The following EFCAB6 variants were observed in gnomAD, a reference collection of about 807,000 sequenced individuals.
The protein encoded by EFCAB6 is EF-hand calcium binding domain 6, also known as EF-hand calcium-binding domain-containing protein 6.
EFCAB6 carries 156 observed loss-of-function variants against 169.8 expected under a neutral mutation model. The ratio of observed to expected loss-of-function variants is 0.92; its 90% CI spans 0.81 to 1.05. The LOEUF is 1.05. Among genes scored for constraint, EFCAB6 ranks in the 50% least tolerant of loss-of-function variants. The probability of loss-of-function intolerance (pLI) is 0.00; values close to 1 mark genes in which losing one functional copy is unlikely to be tolerated. For synonymous variants in EFCAB6, 698 were observed against 676.4 expected (o/e 1.03, Z -0.50); for missense variants, 1,800 against 1,829.1 (o/e 0.98, Z 0.29).
chr22:43,747,229 G>A lies in EFCAB6; in HGVS notation c.507+8537C>T, dbSNP rs1010708705. Among the ~76,000 whole-genome samples the A allele has an allele frequency of 4.6e-5, 7 of 152,304 alleles. No homozygotes were observed. In the South Asian group the frequency reaches 6.2e-4, roughly 14 times the overall value. On this transcript the variant is annotated intron_variant, in intron 6 of 31. Transcript: ENST00000262726. ...CTCCCCCAGCATTTCCCAAAATGGC[G>A]TTCCTCCAAACACAAGTTCTTCTGG...
intron 25 of EFCAB6, among the ~76,000 whole-genome samples, chr22:43,578,328 G>A (rs1275766572): frequency 6.6e-6 from 1 of 152,198 alleles, no homozygotes; most frequent in Non-Finnish European, 1.5e-5. Context: ...CCTCTAGAGT[G>A]TGTGGAGCCA....
At chr22:43,736,122 G>A (rs1413790384) in intron 6 of EFCAB6, 129 bp from the exon 7 acceptor site, 3 of 893,894 alleles carry the variant, frequency 3.4e-6, no homozygotes, top group East Asian at 6.1e-5. Flanking sequence ...CACAGTGGTA[G>A]GCATGGCAAA....
chr22:43,633,627 T>C (rs563895510), intron 18 of EFCAB6, among the ~76,000 whole-genome samples: 17 of 152,212 alleles, frequency 1.1e-4, no homozygotes, highest in Non-Finnish European at 2.1e-4. Context: ...GCTGGGGTCA[T>C]CTGAGTGTGA....
At chr22:43,529,042 AG>A in intron 31 of EFCAB6, 67 bp from the exon 32 acceptor site, 2 of 1,496,806 alleles carry the variant, frequency 1.3e-6, no homozygotes, top group Non-Finnish European at 1.8e-6. Flanking sequence ...GCAGGCTGCC[AG>A]GAAGGGGCTG....
rs1241596326 is a variant in EFCAB6, at chr22:43,628,703, A to G, written c.2233-2024T>C. ...CCGCAGGGCTCACTCTGGCTCCTTC[A>G]TGACTGTGTCTGAGTGTCCCCTCTC... On this transcript the variant is annotated intron_variant, in intron 19 of 31. Transcript: ENST00000262726. This position sits in a 1 kb window ranked among gnomAD's most constrained non-coding sequence, Gnocchi z 4.8. 6.6e-6 allele frequency among the ~76,000 whole-genome samples: 1 copy of G among 151,976 alleles called. No homozygotes were observed. The highest frequency in any genetic ancestry group is 2.4e-5 in the African/African-American group (1 of 41,352).
At chr22:43,576,143 G>A (rs566046563) in intron 26 of EFCAB6, among the ~76,000 whole-genome samples, 154 bp downstream of exon 26, 9 of 152,216 alleles carry the variant, frequency 5.9e-5, no homozygotes, top group Non-Finnish European at 1.3e-4. Context: ...CTAATACTCT[G>A]TATATAATTT....
chr22:43,752,255 C>T (rs2060798629), intron 6 of EFCAB6, among the ~76,000 whole-genome samples: 1 of 151,844 alleles, frequency 6.6e-6, no homozygotes, highest in African/African-American at 2.4e-5. Flanking sequence ...GCAGCTGGAA[C>T]TACTGGTGTG....
At chr22:43,544,096 CCT>C (rs1372125970) in intron 27 of EFCAB6, among the ~76,000 whole-genome samples, 1 of 152,054 alleles carries the variant, frequency 6.6e-6, no homozygotes, top group Admixed American at 6.5e-5. Context: ...CCAGCCTCCC[CCT>C]GAGCTTACTG....
At chr22:43,591,589 G>T (rs112518642) in intron 23 of EFCAB6, among the ~76,000 whole-genome samples, 3,118 of 152,214 alleles carry the variant, frequency 0.02, 108 homozygotes, top group African/African-American at 0.072. Context: ...CTGCAAGGCG[G>T]TGTCATCAGC....
chr22:43,597,180 C>G (rs936736891), intron 23 of EFCAB6, among the ~76,000 whole-genome samples: 1 of 152,142 alleles, frequency 6.6e-6, no homozygotes, highest in Non-Finnish European at 1.5e-5. Flanking sequence ...TGCTACAGGA[C>G]ATTGGTCAGG....
At chr22:43,598,329 A>AAAAC (rs1174187907) in intron 23 of EFCAB6, among the ~76,000 whole-genome samples, 2 of 149,820 alleles carry the variant, frequency 1.3e-5, no homozygotes, top group Non-Finnish European at 3.0e-5. Context: ...AAAAAAAAAA[A>AAAAC]AAAAAAAAAG....
chr22:43,603,147 T>C (rs891073266), intron 22 of EFCAB6, among the ~76,000 whole-genome samples: 1 of 152,170 alleles, frequency 6.6e-6, no homozygotes, highest in African/African-American at 2.4e-5. Flanking sequence ...AAACTTTCCA[T>C]CATGACACTT....
At chr22:43,595,356 A>C (rs900933025) in intron 23 of EFCAB6, among the ~76,000 whole-genome samples, 12 of 152,118 alleles carry the variant, frequency 7.9e-5, no homozygotes, top group Non-Finnish European at 1.6e-4. Context: ...AGATAAACAA[A>C]ATTGACAAAC....
At chr22:43,778,174 G>T (rs931204871) in intron 3 of EFCAB6, among the ~76,000 whole-genome samples, 4 of 152,164 alleles carry the variant, frequency 2.6e-5, no homozygotes, top group African/African-American at 9.7e-5. Flanking sequence ...TTACAGACAG[G>T]GTAGGAAGAA....
At chr22:43,716,573 C>T in intron 9 of EFCAB6, 1 of 384,224 alleles carries the variant, frequency 2.6e-6, no homozygotes, top group Non-Finnish European at 4.6e-6. Context: ...TTACGTTACT[C>T]AATAACGTTG....
chr22:43,683,488 G>A (rs1389687123), intron 12 of EFCAB6, among the ~76,000 whole-genome samples: 1 of 152,144 alleles, frequency 6.6e-6, no homozygotes, highest in African/African-American at 2.4e-5. Flanking sequence ...GCCACACATT[G>A]TTCCCATCAC....
intron 23 of EFCAB6, among the ~76,000 whole-genome samples, chr22:43,598,310 G>GAAAAAAAAAAAAA (rs1402967848): frequency 3.5e-5 from 2 of 57,660 alleles, no homozygotes; most frequent in African/African-American, 5.4e-5. Flanking sequence ...ACTGTCTCCG[G>GAAAAAAAAAAAAA]GAAAAAAAAA....
At chr22:43,644,407 T>A (rs2056016241) in intron 17 of EFCAB6, among the ~76,000 whole-genome samples, 1 of 152,184 alleles carries the variant, frequency 6.6e-6, no homozygotes, top group Non-Finnish European at 1.5e-5. Context: ...TGGGATTCTG[T>A]TTACTTTGGT....
intron 8 of EFCAB6, among the ~76,000 whole-genome samples, chr22:43,724,118 A>G (rs2092257): frequency 0.76 from 115,635 of 152,044 alleles, 44,128 homozygotes; most frequent in East Asian, 0.87. Context: ...TCTCACTGCA[A>G]GTGGCCAAAA....
Sources: allele counts gnomAD v4.1 joint callset (sites outside exome capture counted in the v4.1 genomes callset), GRCh38; gene constraint gnomAD v4.1.1; non-coding constraint Gnocchi (gnomAD v3.1); transcripts MANE v1.5; gene names NCBI Gene and HGNC (gene_info 2026-07-23, HGNC 2026-07-21).